CDH23: variants seen among roughly 807,000 people sequenced by gnomAD.
The protein encoded by CDH23 is cadherin related 23.
Under a neutral mutation model 317.1 loss-of-function variants are expected in CDH23, and 189 were observed. The observed-to-expected ratio is 0.60, with a 90% CI of 0.53 to 0.67. The LOEUF is 0.67. Among genes scored for constraint, CDH23 ranks in the 30% least tolerant of loss-of-function variants. CDH23 has a pLI of 0.00. For missense variants in CDH23, 4,401 were observed against 4,592.4 expected, an observed-to-expected ratio of 0.96 and a Z score of 1.20; for synonymous variants, 1,839 against 1,876.8, an observed-to-expected ratio of 0.98 and a Z score of 0.52.
Position 71,421,336 on chromosome 10 carries a change from C to T in CDH23, c.-5-18491C>T, listed in dbSNP as rs547747153. Among the ~76,000 whole-genome samples, 20 of 152,360 alleles carry T rather than the reference C, an allele frequency of 1.3e-4. No individual in the cohort carries two copies. The South Asian group carries it at 2.1e-3, about 16-fold the overall frequency. ...CTGTTGGCCCCCTGCCCTTGCGCCC[C>T]ACCACCTGCCCCACCTGAGGAGAAC... is the stretch of plus-strand genomic sequence containing the variant. On this transcript the variant is annotated intron_variant, in intron 1 of 69. Transcript: ENST00000224721.
At chr10:71,628,796 C>G (rs1861869839) in intron 11 of CDH23, among the ~76,000 whole-genome samples, 1 of 152,198 alleles carries the variant, frequency 6.6e-6, no homozygotes, top group African/African-American at 2.4e-5. Flanking sequence ...CCACATCCGG[C>G]CTGAGATAAA....
chr10:71,813,724 T>G (rs1842021022), intron 69 of CDH23, among the ~76,000 whole-genome samples: 1 of 152,056 alleles, frequency 6.6e-6, no homozygotes, highest in African/African-American at 2.4e-5. Context: ...CTGGCCAACG[T>G]GGCGAAACCC....
chr10:71,617,597 G>A, intron 11 of CDH23: 1 of 1,322,852 alleles, frequency 7.6e-7, no homozygotes, highest in Non-Finnish European at 1.0e-6. Context: ...CAAAAAACAT[G>A]TAAGCACATG....
At chr10:71,519,176 G>A (rs1854514543) in intron 6 of CDH23, among the ~76,000 whole-genome samples, 1 of 152,194 alleles carries the variant, frequency 6.6e-6, no homozygotes, top group Non-Finnish European at 1.5e-5. Context: ...GGACTGTGCA[G>A]AGCCCAGCTC....
chr10:71,465,962 T>G (rs541449551), intron 3 of CDH23, among the ~76,000 whole-genome samples: 2 of 152,234 alleles, frequency 1.3e-5, no homozygotes, highest in South Asian at 2.1e-4. Context: ...GTTTGGAAGG[T>G]GATGTCTCAA....
At chr10:71,593,903 T>C (rs1226131136) in intron 9 of CDH23, among the ~76,000 whole-genome samples, 1 of 152,158 alleles carries the variant, frequency 6.6e-6, no homozygotes, top group Non-Finnish European at 1.5e-5. Context: ...GGTGGATCAC[T>C]GAGGCCAGGA....
At chr10:71,544,418 G>A (rs148416126) in intron 6 of CDH23, among the ~76,000 whole-genome samples, 1 of 152,320 alleles carries the variant, frequency 6.6e-6, no homozygotes, top group East Asian at 1.9e-4. Context: ...CTCACCAGGG[G>A]GAGGGCAGAG....
Position 71,757,328 on chromosome 10 carries a change from A to G in CDH23, c.4845+15407A>G, listed in dbSNP as rs562227407. ...CTATCCCCAGGTAGAGATTTCCCCTATGTGGACCCTCTATCAGATCAGGAC... is the reference window on the plus strand; with the variant it reads ...CTATCCCCAGGTAGAGATTTCCCCTGTGTGGACCCTCTATCAGATCAGGAC... On this transcript the variant is annotated intron_variant, in intron 38 of 69. Coordinates refer to ENST00000224721, the MANE Select transcript of CDH23 (RefSeq NM_022124.6). 6.6e-5 allele frequency among the ~76,000 whole-genome samples: 10 copies of G among 152,244 alleles called. 1 individual carries two copies. In the East Asian group the frequency reaches 7.7e-4, roughly 12 times the overall value.
intron 20 of CDH23, 59 bp downstream of exon 20, chr10:71,690,643 C>A: frequency 7.8e-7 from 1 of 1,280,274 alleles, no homozygotes; most frequent in Non-Finnish European, 1.1e-6. Context: ...ACTGTCCATA[C>A]CCGGCCCCAG....
chr10:71,431,993 A>G (rs955749619), intron 1 of CDH23, among the ~76,000 whole-genome samples: 1 of 152,228 alleles, frequency 6.6e-6, no homozygotes, highest in Non-Finnish European at 1.5e-5. Flanking sequence ...CCAGGCTTCA[A>G]CGGGCTTCCT....
chr10:71,403,129 CCAAAAAA>C (rs1221863599), intron 1 of CDH23, among the ~76,000 whole-genome samples: 3 of 151,682 alleles, frequency 2.0e-5, no homozygotes, highest in African/African-American at 7.3e-5. Context: ...CTCAAAAGAA[CCAAAAAA>C]CAAAAAACAA....
intron 3 of CDH23, among the ~76,000 whole-genome samples, chr10:71,474,522 C>T (rs770840622): frequency 2.6e-5 from 4 of 152,198 alleles, no homozygotes; most frequent in Non-Finnish European, 5.9e-5. Flanking sequence ...CAGTGGAATA[C>T]GGTGCTCAGA....
chr10:71,566,114 C>T (rs949299158), intron 6 of CDH23, among the ~76,000 whole-genome samples: 2 of 152,132 alleles, frequency 1.3e-5, no homozygotes, highest in Non-Finnish European at 2.9e-5. Context: ...TGGGGAGTCA[C>T]GGATGGTGAG....
At chr10:71,669,434 T>C (rs1359584370) in intron 14 of CDH23, among the ~76,000 whole-genome samples, 1 of 151,974 alleles carries the variant, frequency 6.6e-6, no homozygotes, top group Non-Finnish European at 1.5e-5. Flanking sequence ...CTTGGTGATC[T>C]GTCTCCCCAT....
chr10:71,469,612 C>CTTTT (rs112863104), intron 3 of CDH23, among the ~76,000 whole-genome samples: 1 of 149,080 alleles, frequency 6.7e-6, no homozygotes, highest in African/African-American at 2.5e-5. Context: ...GTGTCCCCCC[C>CTTTT]TTGTTTTTTT....
chr10:71,483,315 G>T (rs1165598496), intron 3 of CDH23, among the ~76,000 whole-genome samples: 2 of 152,250 alleles, frequency 1.3e-5, no homozygotes, highest in African/African-American at 2.4e-5. Flanking sequence ...GGTGGGGAGG[G>T]TTGAACTTTT....
At chr10:71,549,875 T>A (rs981224492) in intron 6 of CDH23, among the ~76,000 whole-genome samples, 1 of 151,784 alleles carries the variant, frequency 6.6e-6, no homozygotes, top group African/African-American at 2.4e-5. Flanking sequence ...TGGGGCGGGG[T>A]CGGGGAGGTT....
Position 71,697,113 on chromosome 10 carries a change from G to A in CDH23, c.2397+1588G>A, listed in dbSNP as rs370533310. On this transcript the variant is annotated intron_variant, in intron 22 of 69. Coordinates refer to ENST00000224721, the MANE Select transcript of CDH23 (RefSeq NM_022124.6). Reference sequence around the variant, plus strand: ...GCACAGGACACCAGCCTGGATTGCCGTTATCAAATAGTACACCCGGCAGAC... The same window carrying A: ...GCACAGGACACCAGCCTGGATTGCCATTATCAAATAGTACACCCGGCAGAC... Among the ~76,000 whole-genome samples, 129 of 152,354 alleles carry A rather than the reference G, an allele frequency of 8.5e-4. 1 individual carries two copies. Among genetic ancestry groups the A allele is most frequent in the African/African-American group, 2.5e-3 (103 of 41,580 alleles).
chr10:71,716,614 G>A, intron 28 of CDH23: 1 of 370,860 alleles, frequency 2.7e-6, no homozygotes, highest in East Asian at 4.1e-5. Flanking sequence ...GAGGGCGGTG[G>A]CCTGTCCGCA....
Sources: gnomAD v4.1 joint callset for allele counts (sites outside exome capture counted in the v4.1 genomes callset) on GRCh38, gnomAD v4.1.1 for gene constraint, MANE v1.5 for transcripts, NCBI Gene and HGNC (gene_info 2026-07-23, HGNC 2026-07-21) for gene names.